The following MED12L variants were observed in gnomAD, a reference collection of about 807,000 sequenced individuals.
MED12L encodes the protein mediator of RNA polymerase II transcription subunit 12-like protein.
In MED12L, 60 loss-of-function variants were observed where a neutral mutation model predicts 281.3. The observed-to-expected ratio is 0.21, with a 90% CI of 0.17 to 0.26. The LOEUF (loss-of-function observed/expected upper bound fraction) is 0.26. Ranked by LOEUF, MED12L falls within the 10% of genes least tolerant of loss-of-function variation. MED12L has a pLI of 1.00. For missense variants in MED12L, 2,146 were observed against 2,680.9 expected (o/e 0.80, Z 4.41); for synonymous variants, 974 against 987.2 (o/e 0.99, Z 0.25).
At chr3:151,260,587 G>C (rs1577157502) in intron 16 of MED12L, among the ~76,000 whole-genome samples, 1 of 152,084 alleles carries the variant, frequency 6.6e-6, no homozygotes, top group African/African-American at 2.4e-5. Flanking sequence ...CTGAACTCAA[G>C]TGATCCTCCT....
chr3:151,154,544 A>T lies in MED12L; in HGVS notation c.557-1617A>T, dbSNP rs185594336. On this transcript the variant is annotated intron_variant, in intron 5 of 44. Transcript: ENST00000687756. The stretch of plus-strand genomic sequence containing the variant: ...TAAAAAGGAGATATACCCTAGACAA[A>T]ATAGGGGTGTATGAATGTGTGTGTT... 2.2e-4 allele frequency among the ~76,000 whole-genome samples: 33 copies of T among 152,264 alleles called. 1 individual carries two copies.
At chr3:151,214,182 C>T (rs149897873) in intron 16 of MED12L, 1 of 1,614,096 alleles carries the variant, frequency 6.2e-7, no homozygotes, top group South Asian at 1.1e-5. Context: ...AAAAGAATAT[C>T]CATCCTGACA....
intron 16 of MED12L, among the ~76,000 whole-genome samples, chr3:151,244,479 A>G (rs1303461610): frequency 1.4e-5 from 2 of 147,008 alleles, no homozygotes; most frequent in Admixed American, 6.9e-5. Flanking sequence ...AAAACCACTC[A>G]ACTACATGGA....
chr3:151,335,569 C>A (rs931281501), intron 16 of MED12L, among the ~76,000 whole-genome samples: 1 of 152,134 alleles, frequency 6.6e-6, no homozygotes, highest in East Asian at 1.9e-4. Flanking sequence ...ATCTTTTGAA[C>A]TTTTCACATC....
At chr3:151,406,802 CTTT>C (rs36114038) in intron 39 of MED12L, among the ~76,000 whole-genome samples, 25 of 137,336 alleles carry the variant, frequency 1.8e-4, no homozygotes, top group Admixed American at 2.2e-4. Context: ...TCTTCTTCTT[CTTT>C]TTTTTTTTTT....
intron 16 of MED12L, among the ~76,000 whole-genome samples, chr3:151,348,852 A>T (rs2150011322): frequency 6.6e-6 from 1 of 152,318 alleles, no homozygotes; most frequent in South Asian, 2.1e-4. Flanking sequence ...ACACATGTGA[A>T]GTACTCCAGG....
intron 16 of MED12L, among the ~76,000 whole-genome samples, chr3:151,203,763 T>G (rs1255937373): frequency 6.6e-6 from 1 of 152,168 alleles, no homozygotes; most frequent in Non-Finnish European, 1.5e-5. Context: ...TTACTGTTAA[T>G]ATTTTTGGTA....
At chr3:151,112,267 T>A (rs911707461) in intron 2 of MED12L, among the ~76,000 whole-genome samples, 1 of 147,236 alleles carries the variant, frequency 6.8e-6, no homozygotes, top group African/African-American at 2.6e-5. Flanking sequence ...AGCAAACATT[T>A]AACAATTTCT....
chr3:151,246,309 C>T (rs1166116491), intron 16 of MED12L, among the ~76,000 whole-genome samples: 3 of 152,252 alleles, frequency 2.0e-5, no homozygotes, highest in African/African-American at 7.2e-5. Flanking sequence ...GCCCGTATCG[C>T]CAAGTCAATC....
intron 26 of MED12L, among the ~76,000 whole-genome samples, chr3:151,372,129 G>A (rs1425365010): frequency 5.3e-5 from 8 of 152,132 alleles, no homozygotes; most frequent in African/African-American, 1.7e-4. Flanking sequence ...CTTTTCTCTT[G>A]ACCTATGGAT....
At chr3:151,415,015 G>C (rs967328161) in intron 42 of MED12L, among the ~76,000 whole-genome samples, 3 of 152,126 alleles carry the variant, frequency 2.0e-5, no homozygotes, top group Non-Finnish European at 2.9e-5. Context: ...CTATGTTTCA[G>C]AATTTTTTAG....
intron 2 of MED12L, among the ~76,000 whole-genome samples, chr3:151,097,393 CAGCAA>C (rs1720850450): frequency 6.6e-6 from 1 of 152,198 alleles, no homozygotes; most frequent in South Asian, 2.1e-4. Flanking sequence ...TTCAGTCATT[CAGCAA>C]ATGACTGAGC....
At position 151,122,828 on chromosome 3, in the gene MED12L, A is replaced by G. The variant is rs1315503467; in HGVS notation, c.250A>G (p.Asn84Asp). The G allele has an allele frequency of 6.2e-7, 1 of 1,610,766 alleles. No individual in the cohort carries two copies. Among genetic ancestry groups the G allele is most frequent in the African/African-American group, 1.3e-5 (1 of 74,856 alleles). ...SSILAEKLKL[N>D]TFQDTGKKKP... Reference sequence around the variant, plus strand: ...CATATTAGCTGAGAAACTGAAGCTTAACACTTTCCAGGACACGGGAAAGAA... The same window carrying G: ...CATATTAGCTGAGAAACTGAAGCTTGACACTTTCCAGGACACGGGAAAGAA... Residue 84 changes from asparagine (N) to aspartate (D), a missense_variant, in exon 4 of 45, where the codon AAC (asparagine) becomes GAC (aspartate). Transcript: ENST00000687756.
In MED12L at chr3:151,380,199, C is replaced by T; in HGVS notation, c.4565C>T (p.Thr1522Ile). ...GQDEQREGLLTSLQNQVNQIL... is the reference protein window; with the variant it reads ...GQDEQREGLLISLQNQVNQIL... ...GATGAACAAAGGGAAGGCCTCCTAA[C>T]ATCTCTCCAGAATCAAGTTAACCAG... The change falls in exon 32 of 45, where the codon ACA becomes ATA. Residue 1522 changes from threonine (T) to isoleucine (I), a missense_variant. This residue lies in a region of MED12L where 212 missense variants were observed against 340.8 expected (regional missense o/e 0.62). Coordinates refer to ENST00000687756, the MANE Select transcript of MED12L (RefSeq NM_001393769.1). 1 of 1,607,816 alleles carries T rather than the reference C, an allele frequency of 6.2e-7. No homozygotes were observed. Among genetic ancestry groups the T allele is most frequent in the Non-Finnish European group, 8.5e-7 (1 of 1,176,822 alleles).
In MED12L at chr3:151,116,402, A is replaced by T; in HGVS notation, c.164A>T (p.Glu55Val). The change falls in exon 3 of 45, where the codon GAA becomes GTA. Residue 55 changes from glutamate (E) to valine (V), a missense_variant. Transcript: ENST00000687756. Reference sequence around the variant, plus strand: ...AATCAGCCAGCCTTCACTGGAGATGAACATGGCTCAGCCAGAAATATTGTA... The same window carrying T: ...AATCAGCCAGCCTTCACTGGAGATGTACATGGCTCAGCCAGAAATATTGTA... ...FNNQPAFTGD[E>V]HGSARNIVIN... 6.2e-7 allele frequency: 1 copy of T among 1,613,522 alleles called. No homozygotes were observed. The highest frequency in any genetic ancestry group is 8.5e-7 in the Non-Finnish European group (1 of 1,179,578).
At chr3:151,253,779 G>C (rs1229520369) in intron 16 of MED12L, among the ~76,000 whole-genome samples, 1 of 151,898 alleles carries the variant, frequency 6.6e-6, no homozygotes, top group Admixed American at 6.6e-5. Context: ...ATATTGCCAG[G>C]CTGTCCAGGA....
chr3:151,165,567 T>A, intron 10 of MED12L, 48 bp downstream of exon 10: 1 of 1,492,024 alleles, frequency 6.7e-7, no homozygotes, highest in Admixed American at 1.7e-5. Context: ...TTGGACTTTA[T>A]GCTGTGTTTT....
intron 3 of MED12L, among the ~76,000 whole-genome samples, chr3:151,121,020 C>CT (rs1390001951): frequency 6.6e-6 from 1 of 152,110 alleles, no homozygotes; most frequent in African/African-American, 2.4e-5. Context: ...GCTCAGACTA[C>CT]TTTTTTCATT....
Position 151,388,172 on chromosome 3 carries a change from T to C in MED12L, c.5451T>C (p.Asp1817=). The stretch of plus-strand genomic sequence containing the variant: ...AGACGAAATCTAGCTCAAGAGTTGA[T>C]GTAAGTGGGGAAAGGAAGGAGAACC... ...KRKTKSSSRV[D]EYPQSNIYRV... Residue 1817 remains aspartate (D), a splice_region_variant and synonymous_variant, in exon 37 of 45, where the codon GAT becomes GAC. Transcript: ENST00000687756. The C allele has an allele frequency of 6.3e-7, 1 of 1,591,472 alleles. No homozygotes were observed. The highest frequency in any genetic ancestry group is 8.5e-7 in the Non-Finnish European group (1 of 1,173,890).
Sources: allele counts gnomAD v4.1 joint callset (sites outside exome capture counted in the v4.1 genomes callset), GRCh38; gene constraint gnomAD v4.1.1; regional missense constraint gnomAD v4.1.1; transcripts MANE v1.5; gene names NCBI Gene and HGNC (gene_info 2026-07-23, HGNC 2026-07-21).